ABLIM1: variants seen among roughly 807,000 people sequenced by gnomAD.
ABLIM1 encodes the protein actin binding LIM protein 1.
In ABLIM1, 40 loss-of-function variants were observed where a neutral mutation model predicts 107.0. The observed-to-expected ratio is 0.37, with a 90% CI of 0.29 to 0.49. The LOEUF is 0.49. Ranked by LOEUF, ABLIM1 falls within the 20% of genes least tolerant of loss-of-function variation. ABLIM1 has a pLI of 0.97. For missense variants in ABLIM1, 857 were observed against 1,008.5 expected, an observed-to-expected ratio of 0.85 and a Z score of 2.04; for synonymous variants, 357 against 357.3, an observed-to-expected ratio of 1.00 and a Z score of 0.01.
At position 114,698,261 on chromosome 10, in the gene ABLIM1, TAA is replaced by T. The variant is rs567550961; in HGVS notation, c.-213+69798_-213+69799del. On this transcript the variant is annotated intron_variant, in intron 1 of 15. Transcript: ENST00000651092. ...CCATGAAGCTAATCTGGGAAAAAAT[TAA>T]AAGAGCAATCACAGAAAAAGAGAGT... Among the ~76,000 whole-genome samples the T allele has an allele frequency of 6.6e-5, 10 of 151,078 alleles. No homozygotes were observed. The South Asian group carries it at 2.1e-3, about 32-fold the overall frequency.
chr10:114,799,083 C>T, the ABLIM1 span, among the ~76,000 whole-genome samples: 64 of 152,294 alleles, frequency 4.2e-4, no homozygotes, highest in African/African-American at 1.5e-3. Context: ...CACGCATGAG[C>T]CACTGTGTCC....
intron 1 of ABLIM1, among the ~76,000 whole-genome samples, chr10:114,613,229 T>G (rs1053178251): frequency 6.6e-6 from 1 of 152,244 alleles, no homozygotes; most frequent in Non-Finnish European, 1.5e-5. Flanking sequence ...TTATACTGAT[T>G]CTGCAGATAC....
At chr10:114,547,832 A>C in intron 4 of ABLIM1, 56 bp from the exon 5 acceptor site, 3 of 1,585,506 alleles carry the variant, frequency 1.9e-6, no homozygotes, top group Non-Finnish European at 8.5e-7. Flanking sequence ...AAATCCAAGC[A>C]GGCAGCCCAA....
intron 1 of ABLIM1, among the ~76,000 whole-genome samples, chr10:114,758,571 C>T (rs2082679642): frequency 6.6e-6 from 1 of 152,218 alleles, no homozygotes; most frequent in African/African-American, 2.4e-5. Context: ...CCCCTCCCTC[C>T]TTCCCCCAGA....
At chr10:114,621,428 C>T (rs187752483) in intron 1 of ABLIM1, among the ~76,000 whole-genome samples, 19 of 152,250 alleles carry the variant, frequency 1.2e-4, no homozygotes, top group African/African-American at 4.6e-4. Context: ...ACCATCTCCC[C>T]GACCCATACA....
At chr10:114,758,679 T>C (rs1200639353) in intron 1 of ABLIM1, among the ~76,000 whole-genome samples, 1 of 152,210 alleles carries the variant, frequency 6.6e-6, no homozygotes, top group East Asian at 1.9e-4. Context: ...TTGTTACCAT[T>C]CAGTTCTCTG....
rs140591749 is a variant in ABLIM1, at chr10:114,757,007, T to C, written c.-213+11054A>G. Among the ~76,000 whole-genome samples the C allele has an allele frequency of 7.6e-3, 1,158 of 152,286 alleles. 10 individuals carry two copies. The highest frequency in any genetic ancestry group is 0.027 in the African/African-American group (1,112 of 41,552). On this transcript the variant is annotated intron_variant, in intron 1 of 15. Transcript: ENST00000651092. ...ATACCAAGCACTCAGTGCCAAATCA[T>C]AGAGCATGCATCTTCATATTTCAAT...
chr10:114,440,088 A>T lies in ABLIM1; in HGVS notation c.2061T>A (p.Asp687Glu). The part of the protein sequence containing the change: ...SYGDVSGGVR[D>E]YQTLPDGHMP... ...AAGACAAAGTGTTCCATACCTGGTA[A>T]TCTGAAAAGGAAAGGAAAAGAAAAT... Residue 687 changes from aspartate to glutamate, a missense_variant and splice_region_variant, in exon 20 of 23, where the codon GAT (aspartate) becomes GAA (glutamate). This residue lies in a region of ABLIM1 where 193 missense variants were observed against 208.5 expected (regional missense o/e 0.93). Coordinates refer to ENST00000533213, the MANE Select transcript of ABLIM1 (RefSeq NM_002313.7). The T allele has an allele frequency of 6.2e-7, 1 of 1,613,638 alleles. No individual in the cohort carries two copies. Among genetic ancestry groups the T allele is most frequent in the Non-Finnish European group, 8.5e-7 (1 of 1,179,856 alleles).
At chr10:114,711,744 G>C (rs915795510) in intron 1 of ABLIM1, among the ~76,000 whole-genome samples, 2 of 152,096 alleles carry the variant, frequency 1.3e-5, no homozygotes, top group African/African-American at 4.8e-5. Flanking sequence ...AGTGGAGAGG[G>C]AGGGGGGCTT....
chr10:114,550,791 A>G (rs1264078829), intron 4 of ABLIM1, among the ~76,000 whole-genome samples: 1 of 152,222 alleles, frequency 6.6e-6, no homozygotes, highest in Non-Finnish European at 1.5e-5. Flanking sequence ...GATGAAATGG[A>G]CAATTTTTTA....
intron 20 of ABLIM1, 79 bp downstream of exon 20, chr10:114,440,003 C>T (rs2059967864): frequency 1.2e-6 from 2 of 1,609,656 alleles, no homozygotes; most frequent in South Asian, 1.1e-5. Flanking sequence ...GAAACTGTTG[C>T]CTTGGAGCCA....
chr10:114,799,779 AT>A, the ABLIM1 span, among the ~76,000 whole-genome samples: 11 of 150,044 alleles, frequency 7.3e-5, no homozygotes, highest in Admixed American at 2.0e-4. Flanking sequence ...ATCTGGAATG[AT>A]TTTTTTTTTG....
intron 1 of ABLIM1, among the ~76,000 whole-genome samples, chr10:114,665,445 A>G (rs960817951): frequency 2.0e-5 from 3 of 152,258 alleles, no homozygotes; most frequent in Non-Finnish European, 2.9e-5. Context: ...AGGATGCTCC[A>G]GAAAAAAAGC....
chr10:114,496,705 C>G (rs1334086023), intron 6 of ABLIM1, among the ~76,000 whole-genome samples: 1 of 152,118 alleles, frequency 6.6e-6, no homozygotes, highest in Non-Finnish European at 1.5e-5. Flanking sequence ...AAAACCTAAC[C>G]CTAGCCCATT....
chr10:114,553,299 A>G (rs2068307577), intron 4 of ABLIM1, among the ~76,000 whole-genome samples: 1 of 152,230 alleles, frequency 6.6e-6, no homozygotes, highest in African/African-American at 2.4e-5. Context: ...ATTTCCATTC[A>G]GAGCAACTAC....
chr10:114,517,611 C>T (rs887643241), intron 6 of ABLIM1, among the ~76,000 whole-genome samples: 6 of 151,604 alleles, frequency 4.0e-5, no homozygotes, highest in Non-Finnish European at 7.4e-5. Flanking sequence ...CTTTAAAGGG[C>T]GGGGAGGGGG....
chr10:114,742,734 G>A lies in ABLIM1; in HGVS notation c.-213+25327C>T, dbSNP rs187617772. Among the ~76,000 whole-genome samples the A allele has an allele frequency of 2.0e-5, 3 of 152,218 alleles. No individual in the cohort carries two copies. The East Asian group carries it at 5.8e-4, about 29-fold the overall frequency. On this transcript the variant is annotated intron_variant, in intron 1 of 15. Transcript: ENST00000651092. The stretch of plus-strand genomic sequence containing the variant: ...ACTTGAATCCAGAAGTTTGAGACCA[G>A]CCTGGCAAACCTCGAGAAACCCTGT...
At chr10:114,588,487 C>CTTTTTTTTTTTTTT (rs34043960) in intron 2 of ABLIM1, among the ~76,000 whole-genome samples, 90 of 76,564 alleles carry the variant, frequency 1.2e-3, no homozygotes, top group African/African-American at 1.7e-3. Context: ...TTCTTTCTTT[C>CTTTTTTTTTTTTTT]TTTTTTTTTT....
chr10:114,548,672 T>C (rs1229611323), intron 4 of ABLIM1, among the ~76,000 whole-genome samples: 2 of 152,172 alleles, frequency 1.3e-5, no homozygotes, highest in African/African-American at 4.8e-5. Flanking sequence ...GGAAGTTGGG[T>C]ATTAAAAAGA....
Sources: allele counts gnomAD v4.1 joint callset (sites outside exome capture counted in the v4.1 genomes callset), GRCh38; gene constraint gnomAD v4.1.1; regional missense constraint gnomAD v4.1.1; transcripts MANE v1.5; gene names NCBI Gene and HGNC (gene_info 2026-07-23, HGNC 2026-07-21).